NCEH1: variants seen among roughly 807,000 people sequenced by gnomAD.
NCEH1 encodes neutral cholesterol ester hydrolase 1.
NCEH1 carries 9 observed loss-of-function variants against 25.4 expected under a neutral mutation model. The ratio of observed to expected loss-of-function variants is 0.35; its 90% CI spans 0.21 to 0.62. The LOEUF (loss-of-function observed/expected upper bound fraction) is 0.62, where lower values mean the gene tolerates loss of function less well. NCEH1 is among the 20% of genes least tolerant of loss of function. NCEH1 has a pLI of 0.72. For synonymous variants in NCEH1, 200 were observed against 199.8 expected, an observed-to-expected ratio of 1.00 and a Z score of -0.01; for missense variants, 412 against 501.1, an observed-to-expected ratio of 0.82 and a Z score of 1.70.
intron 1 of NCEH1, among the ~76,000 whole-genome samples, chr3:172,682,060 A>G (rs1459232856): frequency 6.6e-6 from 1 of 152,070 alleles, no homozygotes; most frequent in Middle Eastern, 3.2e-3. Flanking sequence ...GGAAAACACT[A>G]TTTTTCCTAA....
chr3:172,645,238 C>T (rs1194826250), intron 3 of NCEH1, among the ~76,000 whole-genome samples: 1 of 152,138 alleles, frequency 6.6e-6, no homozygotes, highest in Non-Finnish European at 1.5e-5. Context: ...AGGCACAAGT[C>T]ATAGAACCTG....
chr3:172,662,080 A>G (rs1458671286), intron 1 of NCEH1, among the ~76,000 whole-genome samples: 1 of 152,132 alleles, frequency 6.6e-6, no homozygotes, highest in Non-Finnish European at 1.5e-5. Context: ...GTTTTTGCCT[A>G]TTCAGTATGG....
At chr3:172,645,548 A>C in intron 3 of NCEH1, 75 bp downstream of exon 3, 1 of 924,698 alleles carries the variant, frequency 1.1e-6, no homozygotes, top group South Asian at 1.6e-5. Context: ...TATCACTTGT[A>C]AAACAAAGTA....
At chr3:172,701,124 C>G (rs533351241) in intron 1 of NCEH1, among the ~76,000 whole-genome samples, 14 of 152,292 alleles carry the variant, frequency 9.2e-5, no homozygotes, top group African/African-American at 3.4e-4. Flanking sequence ...ATATCACCAG[C>G]CCAGCTCTGT....
chr3:172,665,864 T>A (rs558775518), intron 1 of NCEH1, among the ~76,000 whole-genome samples: 139 of 152,336 alleles, frequency 9.1e-4, no homozygotes, highest in Admixed American at 4.2e-3. Context: ...GGTGGGAATG[T>A]CCCGATTTTC....
At chr3:172,677,315 T>C (rs1186159967) in intron 1 of NCEH1, among the ~76,000 whole-genome samples, 1 of 152,170 alleles carries the variant, frequency 6.6e-6, no homozygotes, top group Non-Finnish European at 1.5e-5. Flanking sequence ...ACACAAAAGA[T>C]ACAAGGGGAA....
chr3:172,651,131 T>A (rs1010680910), intron 1 of NCEH1, among the ~76,000 whole-genome samples: 14 of 152,278 alleles, frequency 9.2e-5, no homozygotes, highest in Middle Eastern at 3.4e-3. Context: ...TACTATTCTG[T>A]GAGGTAGGTA....
chr3:172,675,976 G>C (rs897957511), intron 1 of NCEH1, among the ~76,000 whole-genome samples: 37 of 152,208 alleles, frequency 2.4e-4, no homozygotes, highest in African/African-American at 8.4e-4. Flanking sequence ...GGTACTGCAA[G>C]CAGAACCACA....
chr3:172,710,772 G>GC (rs1714254749), intron 1 of NCEH1, 75 bp downstream of exon 1: 1 of 1,541,254 alleles, frequency 6.5e-7, no homozygotes, highest in Non-Finnish European at 8.9e-7. Context: ...GTGGAACCCG[G>GC]CGGAGGAATT....
chr3:172,669,448 G>A (rs952246613), intron 1 of NCEH1, among the ~76,000 whole-genome samples: 1 of 152,174 alleles, frequency 6.6e-6, no homozygotes, highest in African/African-American at 2.4e-5. Context: ...AAACTTATTA[G>A]GAAACTAGAA....
intron 1 of NCEH1, among the ~76,000 whole-genome samples, chr3:172,655,370 C>T (rs543320614): frequency 2.0e-5 from 3 of 152,264 alleles, no homozygotes; most frequent in Non-Finnish European, 2.9e-5. Context: ...AATCTGGTGG[C>T]GCACTGGCTC....
In NCEH1 at chr3:172,676,307, G is replaced by A. The variant is rs567542600; in HGVS notation, c.139-28193C>T. 5.9e-5 allele frequency among the ~76,000 whole-genome samples: 9 copies of A among 152,220 alleles called. No individual in the cohort carries two copies. In the South Asian group the frequency reaches 1.9e-3, roughly 32 times the overall value. On this transcript the variant is annotated intron_variant, in intron 1 of 4. Transcript: ENST00000475381. The stretch of plus-strand genomic sequence containing the variant: ...GGCCAGGAAGCTTTGATACGCAAAT[G>A]CCGCCCGTTAGAAATGGTCCACCCA...
At chr3:172,681,311 TCAG>T (rs1420399083) in intron 1 of NCEH1, 1 of 152,186 alleles carries the variant, frequency 6.6e-6, no homozygotes. Flanking sequence ...TTAAAAAGAC[TCAG>T]GTTTTTAATT....
Position 172,711,001 on chromosome 3 carries a change from T to G in NCEH1, c.-17A>C, listed in dbSNP as rs1275786902. On this transcript the variant is annotated 5_prime_UTR_variant, in exon 1 of 5. Coordinates refer to ENST00000475381, the MANE Select transcript of NCEH1 (RefSeq NM_020792.6). ...CGACCTCATCTTGCCCTGGCTCGGC[T>G]CGCCAGCGGGCTGGCAAAGAGGAAA... 4 of 1,613,812 alleles carry G rather than the reference T, an allele frequency of 2.5e-6. No individual in the cohort carries two copies. Among genetic ancestry groups the G allele is most frequent in the Non-Finnish European group, 8.5e-7 (1 of 1,179,972 alleles).
At position 172,645,668 on chromosome 3, in the gene NCEH1, C is replaced by A. The variant is rs778416167; in HGVS notation, c.392G>T (p.Cys131Phe). Residue 131 changes from cysteine (C) to phenylalanine (F), a missense_variant, in exon 3 of 5, where the codon TGT becomes TTT. Physicochemically the swap from Cys to Phe is radical, Grantham distance 205. Around this residue, in one of 3 missense-constraint regions of NCEH1, gnomAD observed 178 missense variants for 189.2 expected, o/e 0.94. Coordinates refer to ENST00000475381, the MANE Select transcript of NCEH1 (RefSeq NM_020792.6). ...SAKIRYYDEL[C>F]TAMAEELNAV... ...ATTCAATTCCTCAGCCATTGCTGTACACAGCTCATCATAATACCTGATTTC... is the reference window on the plus strand; with the variant it reads ...ATTCAATTCCTCAGCCATTGCTGTAAACAGCTCATCATAATACCTGATTTC... 1.3e-6 allele frequency: 2 copies of A among 1,597,524 alleles called. No individual in the cohort carries two copies. Among genetic ancestry groups the A allele is most frequent in the South Asian group, 1.1e-5 (1 of 87,508 alleles).
chr3:172,683,930 C>T (rs962605526), intron 1 of NCEH1, among the ~76,000 whole-genome samples: 3 of 152,306 alleles, frequency 2.0e-5, no homozygotes, highest in South Asian at 2.1e-4. Flanking sequence ...AAACATTTTC[C>T]TCCTCTCATA....
chr3:172,710,809 G>C, intron 1 of NCEH1, 38 bp downstream of exon 1: 1 of 1,608,990 alleles, frequency 6.2e-7, no homozygotes, highest in South Asian at 1.1e-5. Context: ...TATTGCGTAA[G>C]AGGAGGAAGA....
At chr3:172,702,223 C>A (rs1713739256) in intron 1 of NCEH1, among the ~76,000 whole-genome samples, 1 of 152,202 alleles carries the variant, frequency 6.6e-6, no homozygotes, top group South Asian at 2.1e-4. Context: ...AGAACACCTG[C>A]CTGATTGTAT....
intron 1 of NCEH1, among the ~76,000 whole-genome samples, chr3:172,658,835 CA>C (rs1232774838): frequency 2.3e-5 from 3 of 132,542 alleles, no homozygotes; most frequent in African/African-American, 5.7e-5. Context: ...TTTCCAATTC[CA>C]AAACTTTTTT....
Sources: gnomAD v4.1 joint callset for allele counts (sites outside exome capture counted in the v4.1 genomes callset) on GRCh38, gnomAD v4.1.1 for gene constraint, gnomAD v4.1.1 regional missense constraint, MANE v1.5 for transcripts, NCBI Gene and HGNC (gene_info 2026-07-23, HGNC 2026-07-21) for gene names.